ZC3H12B: variants seen among roughly 807,000 people sequenced by gnomAD.
The protein encoded by ZC3H12B is probable ribonuclease ZC3H12B.
Under a neutral mutation model 43.9 loss-of-function variants are expected in ZC3H12B, and 7 were observed. That is an observed-to-expected ratio of 0.16 (90% confidence interval 0.09 to 0.30). The LOEUF (loss-of-function observed/expected upper bound fraction) is 0.30, where lower values mean the gene tolerates loss of function less well. Ranked by LOEUF, ZC3H12B falls within the 10% of genes least tolerant of loss-of-function variation. The pLI, the probability that ZC3H12B is intolerant of heterozygous loss-of-function variation, is 1.00. For missense variants in ZC3H12B, 475 were observed against 670.2 expected, an observed-to-expected ratio of 0.71 and a Z score of 3.22; for synonymous variants, 222 against 241.7, an observed-to-expected ratio of 0.92 and a Z score of 0.76.
the ZC3H12B span, chrX:65,331,199 T>A: frequency 6.6e-6 from 1 of 152,124 alleles, no homozygotes; most frequent in African/African-American, 3.2e-5. Flanking sequence ...CCCACCCTCC[T>A]GGAGTTTAGG....
chrX:65,142,841 C>A, the ZC3H12B span, among the ~76,000 whole-genome samples: 1 of 112,118 alleles, frequency 8.9e-6, no homozygotes, highest in Non-Finnish European at 1.9e-5. Context: ...GTTCTATATT[C>A]TGTTTCATTG....
chrX:65,499,199 G>C (rs372612717), exon 3 of ZC3H12B: 2 of 1,207,150 alleles, frequency 1.7e-6, no homozygotes, highest in African/African-American at 3.5e-5. Flanking sequence ...GTTTATAGAG[G>C]AGCGGTTGCT....
At chrX:65,053,600 T>C in the ZC3H12B span, among the ~76,000 whole-genome samples, 1 of 111,893 alleles carries the variant, frequency 8.9e-6, no homozygotes, top group South Asian at 3.8e-4. Context: ...CAGCATGATT[T>C]ATACTCCTCT....
the ZC3H12B span, chrX:65,330,709 A>G: frequency 1.7e-5 from 2 of 118,751 alleles, no homozygotes; most frequent in Non-Finnish European, 3.5e-5. Flanking sequence ...GATTACGTTT[A>G]TTGATTTTTG....
intron 2 of ZC3H12B, among the ~76,000 whole-genome samples, chrX:65,370,037 A>G (rs1437467453): frequency 9.0e-6 from 1 of 111,554 alleles, no homozygotes; most frequent in Non-Finnish European, 1.9e-5. Flanking sequence ...ACTTGAGCTC[A>G]GGAGTTCAAG....
At chrX:65,190,701 G>T in the ZC3H12B span, among the ~76,000 whole-genome samples, 52 of 109,892 alleles carry the variant, frequency 4.7e-4, 1 homozygote, top group African/African-American at 1.7e-3. Flanking sequence ...ATTTTGGGCT[G>T]AGACAATGGG....
At position 65,456,531 on chromosome X, in the gene ZC3H12B, C is replaced by T. The variant is rs778465373; in HGVS notation, n.408-32115C>T. On this transcript the variant is annotated intron_variant and non_coding_transcript_variant, in intron 3 of 5. Coordinates refer to the ZC3H12B transcript ENST00000617377. ...CTGCTGCCATCTCGGCTCACTGCAA[C>T]CTCCCTGCCTGATTCTCCTGCCTCA... Among the ~76,000 whole-genome samples, 892 of 100,110 alleles carry T rather than the reference C, an allele frequency of 8.9e-3. 16 individuals are homozygous for T. Among genetic ancestry groups the T allele is most frequent in the African/African-American group, 0.031 (849 of 27,595 alleles). The allele number at this position is 100,110 out of a possible 115,157, so 86.9% of individuals were successfully genotyped here. A position where few individuals can be genotyped will look rare whatever the true frequency, so the allele number is the denominator to read the frequency against.
chrX:65,131,173 G>A, the ZC3H12B span, among the ~76,000 whole-genome samples: 1 of 111,683 alleles, frequency 9.0e-6, no homozygotes, highest in East Asian at 2.8e-4. Context: ...AGGTATTGGA[G>A]TGGGGCAGAG....
chrX:65,112,754 A>T, the ZC3H12B span, among the ~76,000 whole-genome samples: 5 of 111,900 alleles, frequency 4.5e-5, no homozygotes, highest in African/African-American at 1.6e-4. Flanking sequence ...CTGCTTATTG[A>T]CAATGCATCT....
At chrX:65,395,020 G>T (rs1186128283) in intron 2 of ZC3H12B, among the ~76,000 whole-genome samples, 3 of 111,529 alleles carry the variant, frequency 2.7e-5, no homozygotes, top group Non-Finnish European at 3.8e-5. Flanking sequence ...TCTATTATTG[G>T]TGTATAGGAA....
the ZC3H12B span, among the ~76,000 whole-genome samples, chrX:65,165,552 AGTTTGTTT>A: frequency 8.9e-6 from 1 of 111,778 alleles, no homozygotes. Context: ...TTCCTGTGTT[AGTTTGTTT>A]GTTAGTTTGT....
At chrX:65,233,525 G>C in the ZC3H12B span, among the ~76,000 whole-genome samples, 7 of 92,549 alleles carry the variant, frequency 7.6e-5, no homozygotes, top group African/African-American at 3.3e-4. Context: ...AAATTAAGAA[G>C]AAAATTAAAA....
At chrX:65,286,378 A>T in the ZC3H12B span, among the ~76,000 whole-genome samples, 1 of 111,549 alleles carries the variant, frequency 9.0e-6, no homozygotes, top group Admixed American at 9.6e-5. Context: ...ACACATAAAG[A>T]TGGGAACAAC....
At chrX:65,253,994 C>T in the ZC3H12B span, among the ~76,000 whole-genome samples, 2 of 111,977 alleles carry the variant, frequency 1.8e-5, no homozygotes, top group Admixed American at 9.4e-5. Flanking sequence ...GCACCCTGCC[C>T]TACCCCACTC....
At chrX:65,146,958 G>A in the ZC3H12B span, among the ~76,000 whole-genome samples, 9 of 111,881 alleles carry the variant, frequency 8.0e-5, no homozygotes, top group African/African-American at 2.9e-4. Context: ...TGGAGCAAAA[G>A]TTCATGATGC....
chrX:65,328,291 C>A, the ZC3H12B span: 3 of 250,989 alleles, frequency 1.2e-5, no homozygotes, highest in Non-Finnish European at 2.4e-5. Flanking sequence ...TTGAAGTATT[C>A]TTTTATCCCT....
the ZC3H12B span, among the ~76,000 whole-genome samples, chrX:65,110,925 A>G: frequency 1.8e-5 from 2 of 111,508 alleles, no homozygotes; most frequent in African/African-American, 3.2e-5. Context: ...TGTAGTTTTC[A>G]GCATACAGAT....
intron 3 of ZC3H12B, among the ~76,000 whole-genome samples, chrX:65,429,574 C>A (rs934859555): frequency 7.1e-5 from 8 of 112,556 alleles, no homozygotes; most frequent in African/African-American, 2.3e-4. Context: ...GGGTGGGGGG[C>A]TTTCTCACCT....
At chrX:65,301,454 G>A in the ZC3H12B span, among the ~76,000 whole-genome samples, 208 of 110,450 alleles carry the variant, frequency 1.9e-3, 4 homozygotes, top group East Asian at 0.037. Flanking sequence ...ATCAACAAAT[G>A]GATAAAGAAA....
Sources: allele counts gnomAD v4.1 joint callset (sites outside exome capture counted in the v4.1 genomes callset), GRCh38; gene constraint gnomAD v4.1.1; transcripts MANE v1.5; gene names NCBI Gene and HGNC (gene_info 2026-07-23, HGNC 2026-07-21).